NHEJ1: variants seen among roughly 807,000 people sequenced by gnomAD.
NHEJ1 encodes the protein non-homologous end joining factor 1, also known as non-homologous end-joining factor 1.
A neutral mutation model predicts 39.4 loss-of-function variants in NHEJ1; 22 were observed. The observed-to-expected ratio is 0.56, with a 90% CI of 0.40 to 0.80. The LOEUF (loss-of-function observed/expected upper bound fraction) is 0.80. NHEJ1 is among the 30% of genes least tolerant of loss of function. NHEJ1 has a pLI of 0.00. For synonymous variants in NHEJ1, 154 were observed against 135.6 expected (o/e 1.14, Z -0.94); for missense variants, 329 against 357.1 (o/e 0.92, Z 0.63).
chr2:219,119,666 T>G (rs1213295062), intron 5 of NHEJ1, among the ~76,000 whole-genome samples: 3 of 152,126 alleles, frequency 2.0e-5, no homozygotes, highest in African/African-American at 7.2e-5. Flanking sequence ...GTAGAACAGA[T>G]CTTTGAATTG....
rs1949366110 is a variant in NHEJ1, at chr2:219,111,639, A to ACACACACACACACG, written c.589-33434_589-33433insCGTGTGTGTGTGTG. ...ACAGTGTGAATACAGACACACACAC[A>ACACACACACACACG]CACACACACACACACACACACACAG... On this transcript the variant is annotated intron_variant, in intron 5 of 7. Coordinates refer to ENST00000356853, the MANE Select transcript of NHEJ1 (RefSeq NM_024782.3). The surrounding 1 kb of genome is among the most constrained non-coding windows in gnomAD (Gnocchi z 4.1). Among the ~76,000 whole-genome samples the ACACACACACACACG allele has an allele frequency of 2.0e-5, 3 of 151,338 alleles. No individual in the cohort carries two copies. Among genetic ancestry groups the ACACACACACACACG allele is most frequent in the Non-Finnish European group, 1.5e-5 (1 of 67,858 alleles).
chr2:219,151,839 G>A (rs989467769), intron 3 of NHEJ1, among the ~76,000 whole-genome samples: 21 of 152,046 alleles, frequency 1.4e-4, no homozygotes, highest in Non-Finnish European at 2.8e-4. Context: ...ATGGTGGCAC[G>A]CACCTGTAGT....
At chr2:219,149,971 C>T (rs772069918) in intron 3 of NHEJ1, among the ~76,000 whole-genome samples, 43 of 152,322 alleles carry the variant, frequency 2.8e-4, no homozygotes, top group Middle Eastern at 6.8e-3. Flanking sequence ...TGTCCTAGAC[C>T]TGAAAAAGGA....
chr2:219,115,775 G>A (rs751740331), intron 5 of NHEJ1, among the ~76,000 whole-genome samples: 5 of 152,038 alleles, frequency 3.3e-5, no homozygotes, highest in South Asian at 4.1e-4. Context: ...CTCCCTACTC[G>A]TTTGCAATTA....
chr2:219,106,924 T>G (rs1389870774), intron 5 of NHEJ1, among the ~76,000 whole-genome samples: 3 of 152,214 alleles, frequency 2.0e-5, no homozygotes, highest in Non-Finnish European at 2.9e-5. Flanking sequence ...CAAACTGGCA[T>G]TTGCTGAAAA....
intron 5 of NHEJ1, among the ~76,000 whole-genome samples, chr2:219,125,910 T>A (rs1949510384): frequency 6.6e-6 from 1 of 152,106 alleles, no homozygotes; most frequent in South Asian, 2.1e-4. Flanking sequence ...CCAGCAAGTA[T>A]CCCCCCAGTT....
intron 5 of NHEJ1, among the ~76,000 whole-genome samples, chr2:219,091,784 G>A (rs1286377353): frequency 6.6e-6 from 1 of 152,036 alleles, no homozygotes; most frequent in Non-Finnish European, 1.5e-5. Context: ...CTTTAAATTT[G>A]TTATTAAATG....
intron 5 of NHEJ1, among the ~76,000 whole-genome samples, chr2:219,145,210 C>T (rs1390769334): frequency 1.3e-5 from 2 of 149,162 alleles, no homozygotes; most frequent in African/African-American, 5.1e-5. Flanking sequence ...GCAAGTGAGG[C>T]TTCGTTTCAA....
At chr2:219,142,276 A>T (rs1949699123) in intron 5 of NHEJ1, among the ~76,000 whole-genome samples, 1 of 152,112 alleles carries the variant, frequency 6.6e-6, no homozygotes, top group South Asian at 2.1e-4. Context: ...CTGCTAAGGG[A>T]CCCCTACCAA....
intron 1 of NHEJ1, chr2:219,158,724 C>T (rs1949881919): frequency 3.2e-6 from 1 of 317,092 alleles, no homozygotes; most frequent in Non-Finnish European, 6.1e-6. Context: ...TTATCACATT[C>T]CTAATAAATA....
chr2:219,146,361 T>C (rs1472363368), intron 5 of NHEJ1, among the ~76,000 whole-genome samples: 1 of 152,124 alleles, frequency 6.6e-6, no homozygotes, highest in Non-Finnish European at 1.5e-5. Context: ...CGACCAGATC[T>C]CAACAAGCAA....
At chr2:219,122,289 T>C (rs1294726832) in intron 5 of NHEJ1, among the ~76,000 whole-genome samples, 1 of 152,254 alleles carries the variant, frequency 6.6e-6, no homozygotes, top group African/African-American at 2.4e-5. Flanking sequence ...CACCAGGGAA[T>C]GACTTCCTCA....
At chr2:219,096,048 G>C (rs1197897695) in intron 5 of NHEJ1, among the ~76,000 whole-genome samples, 1 of 152,186 alleles carries the variant, frequency 6.6e-6, no homozygotes, top group Admixed American at 6.5e-5. Context: ...ATCAAACTTA[G>C]AGAGGGCCAC....
At chr2:219,086,192 TTTTA>T (rs1949109989) in intron 5 of NHEJ1, among the ~76,000 whole-genome samples, 1 of 152,198 alleles carries the variant, frequency 6.6e-6, no homozygotes, top group East Asian at 1.9e-4. Flanking sequence ...ATCATTCTCA[TTTTA>T]TTTATTTTGG....
At chr2:219,134,094 T>C (rs1949602792) in intron 5 of NHEJ1, among the ~76,000 whole-genome samples, 1 of 152,258 alleles carries the variant, frequency 6.6e-6, no homozygotes, top group African/African-American at 2.4e-5. Flanking sequence ...TCCATTGCCT[T>C]ATCCATTGAT....
intron 3 of NHEJ1, among the ~76,000 whole-genome samples, chr2:219,150,912 C>T (rs892239689): frequency 6.6e-6 from 1 of 151,246 alleles, no homozygotes; most frequent in Non-Finnish European, 1.5e-5. Context: ...GCCGAGACTG[C>T]GCCATTGCAC....
rs959892703 is a variant in NHEJ1 at position 219,153,115 on chromosome 2, T to G, written c.390+4357A>C. 2.6e-5 allele frequency among the ~76,000 whole-genome samples: 4 copies of G among 152,298 alleles called. No individual in the cohort carries two copies. In the East Asian group the frequency reaches 7.7e-4, roughly 29 times the overall value. ...ACTGTGCCTGGCCCCAGCATCTCTT[T>G]TAAAACGAAAAGTTATGGAGTTGAA... On this transcript the variant is annotated intron_variant, in intron 3 of 7. Coordinates refer to ENST00000356853, the MANE Select transcript of NHEJ1 (RefSeq NM_024782.3).
chr2:219,158,738 C>G (rs1159983779), intron 1 of NHEJ1: 4 of 282,288 alleles, frequency 1.4e-5, no homozygotes, highest in African/African-American at 2.2e-5. Flanking sequence ...ATAAATATGT[C>G]ACTCCTATCC....
At chr2:219,120,013 A>G (rs1949456294) in intron 5 of NHEJ1, among the ~76,000 whole-genome samples, 1 of 152,156 alleles carries the variant, frequency 6.6e-6, no homozygotes, top group Non-Finnish European at 1.5e-5. Flanking sequence ...TTGGTTTGGC[A>G]CAGAAATTCG....
Sources: gnomAD v4.1 joint callset for allele counts (sites outside exome capture counted in the v4.1 genomes callset) on GRCh38, gnomAD v4.1.1 for gene constraint, Gnocchi (gnomAD v3.1) non-coding constraint, MANE v1.5 for transcripts, NCBI Gene and HGNC (gene_info 2026-07-23, HGNC 2026-07-21) for gene names.